Variants in MDFI observed in about 807,000 individuals in gnomAD.
The protein encoded by MDFI is inhibitor of MyoD family a.
Under a neutral mutation model 22.3 loss-of-function variants are expected in MDFI, and 16 were observed. The observed-to-expected ratio is 0.72, with a 90% CI of 0.49 to 1.09. The LOEUF is 1.09. Ranked by LOEUF, MDFI falls within the 50% of genes least tolerant of loss-of-function variation. The probability of loss-of-function intolerance (pLI) is 0.00; values close to 1 mark genes in which losing one functional copy is unlikely to be tolerated. For missense variants in MDFI, 314 were observed against 326.1 expected (o/e 0.96, Z 0.29); for synonymous variants, 145 against 142.7 (o/e 1.02, Z -0.12).
Position 41,638,861 on chromosome 6 carries a change from G to T in MDFI, c.76+36G>T. 5 of 1,524,280 alleles carry T rather than the reference G, an allele frequency of 3.3e-6. No homozygotes were observed. The highest frequency in any genetic ancestry group is 1.2e-5 in the South Asian group (1 of 83,036). 94.4% of individuals were successfully genotyped at this position (1,524,280 alleles called of 1,614,324 possible). A position where few individuals can be genotyped will look rare whatever the true frequency, so the allele number is the denominator to read the frequency against. On this transcript the variant is annotated intron_variant, in intron 2 of 4. Transcript: ENST00000230321. This position sits in a 1 kb window ranked among gnomAD's most constrained non-coding sequence, Gnocchi z 7.6. ...GAGTGGCGAGCGAAGCTGGACAGGGGCGGGTGGGCGGCTGAAGGGGCCAGT... is the reference window on the plus strand; with the variant it reads ...GAGTGGCGAGCGAAGCTGGACAGGGTCGGGTGGGCGGCTGAAGGGGCCAGT...
chr6:41,644,607 C>T (rs1767978746), intron 2 of MDFI, among the ~76,000 whole-genome samples: 1 of 151,962 alleles, frequency 6.6e-6, no homozygotes, highest in African/African-American at 2.4e-5. Flanking sequence ...GGATCTTCTC[C>T]TCAGCATGCT....
intron 3 of MDFI, among the ~76,000 whole-genome samples, chr6:41,649,061 G>C (rs976001448): frequency 6.6e-6 from 1 of 152,230 alleles, no homozygotes; most frequent in African/African-American, 2.4e-5. Flanking sequence ...GAGGCACCAG[G>C]TGGAAGGAGC....
chr6:41,648,211 GC>G (rs1768129563), intron 3 of MDFI, among the ~76,000 whole-genome samples: 1 of 152,030 alleles, frequency 6.6e-6, no homozygotes, highest in African/African-American at 2.4e-5. Context: ...TGCCCTCTGA[GC>G]CCCAGCTCCT....
At chr6:41,650,634 C>T (rs1253248978) in intron 4 of MDFI, among the ~76,000 whole-genome samples, 4 of 138,314 alleles carry the variant, frequency 2.9e-5, no homozygotes, top group Non-Finnish European at 3.0e-5. Flanking sequence ...AGCGCAGTGG[C>T]GCAATCTTGG....
chr6:41,653,454 G>A lies in MDFI; in HGVS notation c.620G>A (p.Gly207Asp). Residue 207 changes from glycine to aspartate, a missense_variant, in exon 5 of 5, where the codon GGC becomes GAC. Gly to Asp is a moderately conservative substitution (Grantham distance 94). Transcript: ENST00000230321. This position sits in a 1 kb window ranked among gnomAD's most constrained non-coding sequence, Gnocchi z 4.2. ...CTCTGCTGCTGCTGCTGTGGCTCTG[G>A]CGAGTGTGCCGACTGCGACCTGCCC... The part of the protein sequence containing the change: ...SCLCCCCCGS[G>D]ECADCDLPCD... 6.2e-7 allele frequency: 1 copy of A among 1,605,368 alleles called. No homozygotes were observed. The highest frequency in any genetic ancestry group is 8.5e-7 in the Non-Finnish European group (1 of 1,179,960).
chr6:41,652,004 G>A (rs1053399351), intron 4 of MDFI, among the ~76,000 whole-genome samples: 3 of 152,222 alleles, frequency 2.0e-5, no homozygotes, highest in Non-Finnish European at 2.9e-5. Context: ...TTACATATCC[G>A]GTAGAAGGAG....
At chr6:41,637,691 G>T (rs1428311921), upstream of MDFI, among the ~76,000 whole-genome samples, 2 of 152,026 alleles carry the variant, frequency 1.3e-5, no homozygotes, top group Non-Finnish European at 2.9e-5. The surrounding 1 kb of genome is among the most constrained non-coding windows in gnomAD (Gnocchi z 6.8). Context: ...GCGCCGCCCG[G>T]CTGGCCCCAC....
upstream of MDFI, among the ~76,000 whole-genome samples, chr6:41,637,748 G>C (rs1767693292): frequency 6.6e-6 from 1 of 152,054 alleles, no homozygotes; most frequent in African/African-American, 2.4e-5. The surrounding 1 kb of genome is among the most constrained non-coding windows in gnomAD (Gnocchi z 6.8). Flanking sequence ...CCTCATCTTA[G>C]AAGCCCTCGG....
At position 41,653,692 on chromosome 6, in the gene MDFI, C is replaced by T. The variant is rs920415536; in HGVS notation, c.*117C>T. ...CTTGAGAAGCCCCCTCTCCCTGGTC[C>T]TCTCCTACCCACCCATGTCCTCTCA... On this transcript the variant is annotated 3_prime_UTR_variant, in exon 5 of 5. Transcript: ENST00000230321. The surrounding 1 kb of genome is among the most constrained non-coding windows in gnomAD (Gnocchi z 4.2). 3.1e-5 allele frequency: 41 copies of T among 1,311,460 alleles called. 1 individual carries two copies. In the South Asian group the frequency reaches 5.2e-4, roughly 17 times the overall value. The allele number at this position is 1,311,460 out of a possible 1,614,324, so 81.2% of individuals were successfully genotyped here.
intron 3 of MDFI, among the ~76,000 whole-genome samples, chr6:41,647,852 C>A (rs1194950358): frequency 6.6e-6 from 1 of 151,856 alleles, no homozygotes; most frequent in East Asian, 1.9e-4. Context: ...ACCATCCTGG[C>A]TAACACGGTG....
rs755326663 is a variant in MDFI at position 41,653,552 on chromosome 6, T to C, written c.718T>C (p.Cys240Arg). 2 of 1,600,760 alleles carry C rather than the reference T, an allele frequency of 1.2e-6. No individual in the cohort carries two copies. The highest frequency in any genetic ancestry group is 1.7e-6 in the Non-Finnish European group (2 of 1,179,948). Reference sequence around the variant, plus strand: ...CTGCCTGGAGATCTGCATGGAGTGCTGTGGGCTCTGCTTCTCCTCCTGAGC... The same window carrying C: ...CTGCCTGGAGATCTGCATGGAGTGCCGTGGGCTCTGCTTCTCCTCCTGAGC... ...ADCLEICMEC[C>R]GLCFSS is the part of the protein sequence containing the mutation. Residue 240 changes from cysteine to arginine, a missense_variant, in exon 5 of 5, where the codon TGT becomes CGT. Transcript: ENST00000230321. This position sits in a 1 kb window ranked among gnomAD's most constrained non-coding sequence, Gnocchi z 4.2.
rs1482882510 is a variant in MDFI, at chr6:41,654,239, A to G, written c.*664A>G. ...TTGCTGTAAATAAAGATATTTGTCC[A>G]TCTCAGATTTCCTCAGGACTCATGA... On this transcript the variant is annotated 3_prime_UTR_variant, in exon 5 of 5. Transcript: ENST00000230321. 6.4e-6 allele frequency: 1 copy of G among 156,672 alleles called. No homozygotes were observed. Among genetic ancestry groups the G allele is most frequent in the East Asian group, 1.8e-4 (1 of 5,456 alleles). 9.7% of individuals were successfully genotyped at this position (156,672 alleles called of 1,614,324 possible). A position where few individuals can be genotyped will look rare whatever the true frequency, so the allele number is the denominator to read the frequency against.
chr6:41,651,993 CT>C (rs1768286908), intron 4 of MDFI, among the ~76,000 whole-genome samples: 1 of 152,222 alleles, frequency 6.6e-6, no homozygotes, highest in South Asian at 2.1e-4. Context: ...CCTGCTGGAG[CT>C]TACATATCCG....
At chr6:41,641,485 C>G (rs111721059) in intron 2 of MDFI, among the ~76,000 whole-genome samples, 55 of 152,286 alleles carry the variant, frequency 3.6e-4, no homozygotes, top group African/African-American at 1.3e-3. Context: ...GAAGATCCGG[C>G]AATGGCCCAG....
Position 41,638,495 on chromosome 6 carries a change from G to C in MDFI, c.-169G>C. The C allele has an allele frequency of 1.9e-6, 1 of 520,290 alleles. No individual in the cohort carries two copies. 32.2% of individuals were successfully genotyped at this position (520,290 alleles called of 1,614,324 possible). A position where few individuals can be genotyped will look rare whatever the true frequency, so the allele number is the denominator to read the frequency against. ...AAGGAAGGGGCGAACGGCGTGAGCT[G>C]GCGCCGAAATGGGAGAAAGCAGCGA... On this transcript the variant is annotated 5_prime_UTR_variant, in exon 1 of 5. Transcript: ENST00000230321. The surrounding 1 kb of genome is among the most constrained non-coding windows in gnomAD (Gnocchi z 7.6).
intron 2 of MDFI, chr6:41,639,417 G>A (rs554274628): frequency 1.0e-6 from 1 of 985,246 alleles, no homozygotes; most frequent in Non-Finnish European, 1.2e-6. Flanking sequence ...AGTGTCTTCA[G>A]CCCAAGTGAA....
At position 41,639,296 on chromosome 6, in the gene MDFI, G is replaced by A. The variant is rs565887905; in HGVS notation, c.76+471G>A. 1.2e-5 allele frequency: 12 copies of A among 985,298 alleles called. No homozygotes were observed. The South Asian group carries it at 5.6e-4, about 46-fold the overall frequency. 61.0% of individuals were successfully genotyped at this position (985,298 alleles called of 1,614,324 possible). On this transcript the variant is annotated intron_variant, in intron 2 of 4. Coordinates refer to ENST00000230321, the MANE Select transcript of MDFI (RefSeq NM_005586.4). The stretch of plus-strand genomic sequence containing the variant: ...TTTTGTCTGCCGCGAGCGGCTGCAG[G>A]ACCCAGCCCCTCCCCTCTTTCTTGC...
intron 2 of MDFI, among the ~76,000 whole-genome samples, chr6:41,642,641 C>T (rs560761330): frequency 4.9e-4 from 74 of 152,300 alleles, no homozygotes; most frequent in Non-Finnish European, 9.0e-4. Context: ...TTCTGCCCTC[C>T]GTGCTGGTTT....
rs1768366231 is a variant in MDFI, at chr6:41,653,537, A to C, written c.703A>C (p.Ile235Leu). 1 of 1,601,012 alleles carries C rather than the reference A, an allele frequency of 6.2e-7. No individual in the cohort carries two copies. Reference protein sequence around the residue: ...ACCESADCLEICMECCGLCFS... With the variant: ...ACCESADCLELCMECCGLCFS... ...CTGCGAGTCCGCGGACTGCCTGGAG[A>C]TCTGCATGGAGTGCTGTGGGCTCTG... The change falls in exon 5 of 5, where the codon ATC becomes CTC. Residue 235 changes from isoleucine (I) to leucine (L), a missense_variant. Coordinates refer to ENST00000230321, the MANE Select transcript of MDFI (RefSeq NM_005586.4). This position sits in a 1 kb window ranked among gnomAD's most constrained non-coding sequence, Gnocchi z 4.2.
Sources: allele counts gnomAD v4.1 joint callset (sites outside exome capture counted in the v4.1 genomes callset), GRCh38; gene constraint gnomAD v4.1.1; non-coding constraint Gnocchi (gnomAD v3.1); transcripts MANE v1.5; gene names NCBI Gene and HGNC (gene_info 2026-07-23, HGNC 2026-07-21).